Variants in MCF2L2 observed in about 807,000 individuals in gnomAD.
MCF2L2 encodes MCF.2 cell line derived transforming sequence-like 2, also known as probable guanine nucleotide exchange factor MCF2L2.
Under a neutral mutation model 150.2 loss-of-function variants are expected in MCF2L2, and 102 were observed. That is an observed-to-expected ratio of 0.68 (90% CI 0.58 to 0.80). MCF2L2 has a LOEUF of 0.80. Ranked by LOEUF, MCF2L2 falls within the 30% of genes least tolerant of loss-of-function variation. The probability of loss-of-function intolerance (pLI) is 0.00; values close to 1 mark genes in which losing one functional copy is unlikely to be tolerated. For synonymous variants in MCF2L2, 465 were observed against 491.3 expected, an observed-to-expected ratio of 0.95 and a Z score of 0.71; for missense variants, 1,256 against 1,372.8, an observed-to-expected ratio of 0.91 and a Z score of 1.34.
chr3:183,206,228 G>T lies in MCF2L2; in HGVS notation c.2713-14C>A. 6.3e-7 allele frequency: 1 copy of T among 1,589,184 alleles called. No homozygotes were observed. Among genetic ancestry groups the T allele is most frequent in the Non-Finnish European group, 8.6e-7 (1 of 1,157,388 alleles). On this transcript the variant is annotated splice_polypyrimidine_tract_variant and intron_variant, in intron 23 of 29. Coordinates refer to ENST00000328913, the MANE Select transcript of MCF2L2 (RefSeq NM_015078.4). ...AAGTGTCATCAGCTATTATAAAGAG[G>T]GAAGAGAAATGTTCTATACCATCGT...
intron 15 of MCF2L2, chr3:183,254,119 CG>C (rs1432677792): frequency 6.6e-6 from 1 of 151,744 alleles, no homozygotes; most frequent in African/African-American, 2.4e-5. Context: ...CGGTCTCCGG[CG>C]CGGGAGGCTC....
In MCF2L2 at chr3:183,217,355, C is replaced by T. The variant is rs527953348; in HGVS notation, c.2371-1261G>A. ...GGTGTGGTGGTGTGTGCCTGTAATC[C>T]CAGCTACTCAGGAGGCTGAGGCAGG... is the stretch of plus-strand genomic sequence containing the variant. On this transcript the variant is annotated intron_variant, in intron 21 of 29. Transcript: ENST00000328913. Among the ~76,000 whole-genome samples the T allele has an allele frequency of 6.6e-4, 97 of 148,012 alleles. 1 individual carries two copies. The South Asian group carries it at 0.011, about 17-fold the overall frequency.
Position 183,362,477 on chromosome 3 carries a change from A to C in MCF2L2, c.275+16820T>G, listed in dbSNP as rs540326567. Among the ~76,000 whole-genome samples, 83 of 152,292 alleles carry C rather than the reference A, an allele frequency of 5.5e-4. 1 individual carries two copies. Among genetic ancestry groups the C allele is most frequent in the Non-Finnish European group, 1.0e-3 (71 of 68,032 alleles). On this transcript the variant is annotated intron_variant, in intron 3 of 29. Transcript: ENST00000328913. ...TCCAGAGCATCAGGGCACTGACTAG[A>C]GAAGGAATCAAAGAGGCATTCTTGG...
intron 15 of MCF2L2, among the ~76,000 whole-genome samples, chr3:183,251,598 G>A (rs775653971): frequency 2.0e-5 from 3 of 152,060 alleles, no homozygotes; most frequent in Admixed American, 6.5e-5. Context: ...ATGCCAACAC[G>A]GTCCTCCTTC....
intron 15 of MCF2L2, among the ~76,000 whole-genome samples, chr3:183,252,970 T>C (rs1724637483): frequency 6.6e-6 from 1 of 152,216 alleles, no homozygotes; most frequent in Admixed American, 6.5e-5. Context: ...CATGAAGTAT[T>C]CTAAAGGAGG....
chr3:183,228,433 G>T, intron 17 of MCF2L2, 67 bp from the exon 18 acceptor site: 1 of 1,110,946 alleles, frequency 9.0e-7, no homozygotes, highest in Non-Finnish European at 1.4e-6. Context: ...AATTTTTTAA[G>T]TACAATCACA....
chr3:183,421,878 G>A (rs1715903785), intron 1 of MCF2L2, among the ~76,000 whole-genome samples: 1 of 152,184 alleles, frequency 6.6e-6, no homozygotes, highest in East Asian at 1.9e-4. Context: ...GAAGTGTAAA[G>A]ACACTGATGT....
chr3:183,265,848 C>G (rs1726065600), intron 15 of MCF2L2: 1 of 152,090 alleles, frequency 6.6e-6, no homozygotes, highest in Non-Finnish European at 1.5e-5. Flanking sequence ...TAAATGGTGG[C>G]TAAAAAATTC....
chr3:183,207,206 C>T (rs1054185593), intron 23 of MCF2L2, among the ~76,000 whole-genome samples: 1 of 152,084 alleles, frequency 6.6e-6, no homozygotes, highest in African/African-American at 2.4e-5. Context: ...GTGCCTTAGA[C>T]CCCAAGGTCA....
intron 13 of MCF2L2, among the ~76,000 whole-genome samples, chr3:183,294,617 A>G (rs58208749): frequency 0.14 from 18,122 of 128,430 alleles, 1,655 homozygotes; most frequent in East Asian, 0.43. Context: ...GTGTGTGTGT[A>G]TATATATATA....
intron 3 of MCF2L2, among the ~76,000 whole-genome samples, chr3:183,359,367 G>A (rs1010214021): frequency 4.6e-5 from 7 of 152,280 alleles, no homozygotes; most frequent in East Asian, 3.9e-4. Flanking sequence ...TTTCTGATTC[G>A]TTTCACAAAG....
At chr3:183,297,984 T>C (rs892305859) in intron 11 of MCF2L2, 2 of 152,218 alleles carry the variant, frequency 1.3e-5, no homozygotes, top group African/African-American at 2.4e-5. Flanking sequence ...TTACATTTCC[T>C]GGGAGAAGGG....
intron 10 of MCF2L2, among the ~76,000 whole-genome samples, chr3:183,301,153 C>A (rs1324882518): frequency 6.6e-6 from 1 of 152,106 alleles, no homozygotes; most frequent in Non-Finnish European, 1.5e-5. Flanking sequence ...TCTAACCACA[C>A]GTGCCAAGTT....
intron 2 of MCF2L2, among the ~76,000 whole-genome samples, chr3:183,388,211 G>C (rs993754492): frequency 4.6e-5 from 7 of 152,188 alleles, no homozygotes; most frequent in Admixed American, 6.5e-5. Context: ...ATGAGCCATT[G>C]TGTAATTATA....
chr3:183,303,417 C>T (rs963627730), intron 10 of MCF2L2, among the ~76,000 whole-genome samples: 1 of 152,134 alleles, frequency 6.6e-6, no homozygotes, highest in African/African-American at 2.4e-5. Flanking sequence ...GCCCATGAGC[C>T]CCCTTGCCAG....
chr3:183,366,981 C>T (rs1162471330), intron 3 of MCF2L2, among the ~76,000 whole-genome samples: 2 of 152,056 alleles, frequency 1.3e-5, no homozygotes, highest in Non-Finnish European at 2.9e-5. Flanking sequence ...TGAAAATGCA[C>T]ATAAAAAAGT....
intron 1 of MCF2L2, among the ~76,000 whole-genome samples, chr3:183,417,765 C>G (rs761752330): frequency 6.6e-6 from 1 of 150,668 alleles, no homozygotes; most frequent in Non-Finnish European, 1.5e-5. Flanking sequence ...GGAAAGAGGT[C>G]AAATTGACTC....
At chr3:183,294,569 G>A (rs183168373) in intron 13 of MCF2L2, among the ~76,000 whole-genome samples, 2,516 of 146,142 alleles carry the variant, frequency 0.017, 33 homozygotes, top group Non-Finnish European at 0.026. Context: ...GTGTGTGTGT[G>A]TATATATATG....
At chr3:183,180,030 A>C in intron 28 of MCF2L2, 41 bp downstream of exon 28, 1 of 1,460,338 alleles carries the variant, frequency 6.8e-7, no homozygotes, top group Non-Finnish European at 9.6e-7. Context: ...ATGAATAGGA[A>C]GGAGGGAAGA....
Sources: allele counts gnomAD v4.1 joint callset (sites outside exome capture counted in the v4.1 genomes callset), GRCh38; gene constraint gnomAD v4.1.1; transcripts MANE v1.5; gene names NCBI Gene and HGNC (gene_info 2026-07-23, HGNC 2026-07-21).